Variants in CRIP2 observed in about 807,000 individuals in gnomAD.
The protein encoded by CRIP2 is cysteine-rich protein 2.
A neutral mutation model predicts 31.3 loss-of-function variants in CRIP2; 31 were observed. The observed-to-expected ratio is 0.99, with a 90% CI of 0.74 to 1.34. CRIP2 has a LOEUF of 1.34. Ranked by LOEUF, CRIP2 falls within the 40% of genes most tolerant of loss-of-function variation. CRIP2 has a pLI of 0.00. For missense variants in CRIP2, 389 were observed against 301.6 expected, an observed-to-expected ratio of 1.29 and a Z score of -2.15; for synonymous variants, 177 against 127.2, an observed-to-expected ratio of 1.39 and a Z score of -2.63.
chr14:105,476,376 C>T (rs1555435815), intron 1 of CRIP2: 4 of 985,428 alleles, frequency 4.1e-6, no homozygotes, highest in Non-Finnish European at 4.8e-6. Context: ...GTCCAGAATC[C>T]TGCCCACCCT....
chr14:105,478,449 G>A lies in CRIP2; in HGVS notation c.139-1G>A, dbSNP rs1555436405. 1.9e-6 allele frequency: 3 copies of A among 1,604,230 alleles called. No individual in the cohort carries two copies. Among genetic ancestry groups the A allele is most frequent in the African/African-American group, 1.3e-5 (1 of 74,768 alleles). ...GTCCTGACCCGCGCCCCTCTGCGCA[G>A]CATGACGGGAAGCCGTTCTGCCACA... On this transcript the variant is annotated splice_acceptor_variant, in intron 2 of 7. Coordinates refer to ENST00000329146, the MANE Select transcript of CRIP2 (RefSeq NM_001312.4). LOFTEE classifies it high-confidence loss of function. This position sits in a 1 kb window ranked among gnomAD's most constrained non-coding sequence, Gnocchi z 4.9.
upstream of CRIP2, chr14:105,473,237 G>A (rs1555435117): frequency 5.2e-6 from 8 of 1,529,746 alleles, no homozygotes; most frequent in East Asian, 2.5e-5. Flanking sequence ...GCCCAGAAAA[G>A]GTACTGACTG....
rs1555436953 is a variant in CRIP2 at position 105,479,669 on chromosome 14, A to G, written c.*16A>G. ...CCAGCCCTAGGCTACAGCGGCTCTC[A>G]TGATGTGGGCTCACCTGCGCCCCAG... On this transcript the variant is annotated 3_prime_UTR_variant, in exon 8 of 8. Transcript: ENST00000329146. 1 of 1,608,806 alleles carries G rather than the reference A, an allele frequency of 6.2e-7. No homozygotes were observed. The highest frequency in any genetic ancestry group is 1.1e-5 in the South Asian group (1 of 90,412).
upstream of CRIP2, chr14:105,473,662 G>A (rs1224950471): frequency 3.3e-5 from 35 of 1,073,032 alleles, no homozygotes; most frequent in Non-Finnish European, 4.2e-5. Flanking sequence ...CTCAGAGAAG[G>A]GCCCATGGGG....
chr14:105,475,777 T>TG, intron 1 of CRIP2: 1 of 975,414 alleles, frequency 1.0e-6, no homozygotes, highest in Non-Finnish European at 1.2e-6. Context: ...TCCTCCTGGC[T>TG]GATTCGCTGC....
At position 105,478,897 on chromosome 14, in the gene CRIP2, G is replaced by C; in HGVS notation, c.337+26G>C. The C allele has an allele frequency of 6.8e-7, 1 of 1,472,152 alleles. No individual in the cohort carries two copies. The highest frequency in any genetic ancestry group is 8.9e-7 in the Non-Finnish European group (1 of 1,119,992). The allele number at this position is 1,472,152 out of a possible 1,614,324, so 91.2% of individuals were successfully genotyped here. The stretch of plus-strand genomic sequence containing the variant: ...GTGGGCTGGGCGCGGGCTGGGGCTG[G>C]GGGTTGTGGGCACGCGCGGGCTGGG... On this transcript the variant is annotated intron_variant, in intron 4 of 7. Transcript: ENST00000329146. The surrounding 1 kb of genome is among the most constrained non-coding windows in gnomAD (Gnocchi z 4.9).
chr14:105,477,452 C>G (rs2083957355), intron 1 of CRIP2: 1 of 985,086 alleles, frequency 1.0e-6, no homozygotes, highest in Non-Finnish European at 1.2e-6. Context: ...CATGAGGGAG[C>G]TGGAGGTTCT....
chr14:105,478,879 G>A lies in CRIP2; in HGVS notation c.337+8G>A. 6.9e-7 allele frequency: 1 copy of A among 1,442,294 alleles called. No individual in the cohort carries two copies. 89.3% of individuals were successfully genotyped at this position (1,442,294 alleles called of 1,614,324 possible). On this transcript the variant is annotated splice_region_variant and intron_variant, in intron 4 of 7. Transcript: ENST00000329146. The surrounding 1 kb of genome is among the most constrained non-coding windows in gnomAD (Gnocchi z 4.9). Reference sequence around the variant, plus strand: ...CGAAGGGGCCCAGCAGAGGTGGGCTGGGCGCGGGCTGGGGCTGGGGGTTGT... The same window carrying A: ...CGAAGGGGCCCAGCAGAGGTGGGCTAGGCGCGGGCTGGGGCTGGGGGTTGT...
At chr14:105,476,314 C>T (rs1476504018) in intron 1 of CRIP2, 1 of 985,392 alleles carries the variant, frequency 1.0e-6, no homozygotes, top group Non-Finnish European at 1.2e-6. Context: ...AACAAAGGCG[C>T]TTCAGACCCG....
Position 105,479,849 on chromosome 14 carries a change from C to T in CRIP2, c.*196C>T, listed in dbSNP as rs925421241. On this transcript the variant is annotated 3_prime_UTR_variant, in exon 8 of 8. Transcript: ENST00000329146. ...CTGGTGTGTCTGCCCCCTCTGGCAT[C>T]CTCTGGGCGTCCCATGATCCCTTCT... 27 of 618,178 alleles carry T rather than the reference C, an allele frequency of 4.4e-5. No homozygotes were observed. The highest frequency in any genetic ancestry group is 1.6e-4 in the Admixed American group (6 of 36,738). The allele number at this position is 618,178 out of a possible 1,614,324, so 38.3% of individuals were successfully genotyped here. A position where few individuals can be genotyped will look rare whatever the true frequency, so the allele number is the denominator to read the frequency against.
upstream of CRIP2, chr14:105,473,261 A>G (rs1042761451): frequency 1.9e-5 from 27 of 1,445,908 alleles, no homozygotes; most frequent in South Asian, 4.8e-5. Context: ...CCTCCTCACC[A>G]TCTTCTGCCT....
rs1312827406 is a variant in CRIP2, at chr14:105,479,941, C to G, written c.*288C>G. 1 of 484,830 alleles carries G rather than the reference C, an allele frequency of 2.1e-6. No individual in the cohort carries two copies. Among genetic ancestry groups the G allele is most frequent in the Non-Finnish European group, 3.8e-6 (1 of 265,564 alleles). 30.0% of individuals were successfully genotyped at this position (484,830 alleles called of 1,614,324 possible). A position where few individuals can be genotyped will look rare whatever the true frequency, so the allele number is the denominator to read the frequency against. ...TTTTCCCGCCGACCCTGCGTGTCCC[C>G]GTGGCGCTGTCCGCTCTCCCTCTCC... On this transcript the variant is annotated 3_prime_UTR_variant, in exon 8 of 8. Coordinates refer to ENST00000329146, the MANE Select transcript of CRIP2 (RefSeq NM_001312.4).
chr14:105,478,471 C>T lies in CRIP2; in HGVS notation c.160C>T (p.His54Tyr), dbSNP rs781826144. Residue 54 changes from histidine (H) to tyrosine (Y), a missense_variant, in exon 3 of 8, where the codon CAC (histidine) becomes TAC (tyrosine). Physicochemically the swap from His to Tyr is moderately conservative, Grantham distance 83. Transcript: ENST00000329146. The surrounding 1 kb of genome is among the most constrained non-coding windows in gnomAD (Gnocchi z 4.9). Reference sequence around the variant, plus strand: ...GCAGCATGACGGGAAGCCGTTCTGCCACAAGCCGTGCTACGCCACCCTGTT... The same window carrying T: ...GCAGCATGACGGGAAGCCGTTCTGCTACAAGCCGTGCTACGCCACCCTGTT... ...HAEHDGKPFC[H>Y]KPCYATLFGP... 5.0e-6 allele frequency: 8 copies of T among 1,607,932 alleles called. No individual in the cohort carries two copies. Among genetic ancestry groups the T allele is most frequent in the Non-Finnish European group, 6.8e-6 (8 of 1,179,020 alleles).
At position 105,474,999 on chromosome 14, in the gene CRIP2, G is replaced by A; in HGVS notation, c.43+94G>A. 1 of 1,293,752 alleles carries A rather than the reference G, an allele frequency of 7.7e-7. No individual in the cohort carries two copies. Among genetic ancestry groups the A allele is most frequent in the South Asian group, 2.0e-5 (1 of 50,928 alleles). 80.1% of individuals were successfully genotyped at this position (1,293,752 alleles called of 1,614,324 possible). On this transcript the variant is annotated intron_variant, in intron 1 of 7. Transcript: ENST00000329146. This position sits in a 1 kb window ranked among gnomAD's most constrained non-coding sequence, Gnocchi z 5.1. ...AGAGCCGCGGCGTAACTCGGGGTGC[G>A]CCCGGCCCCGGCCCCGGACCGAGGA...
In CRIP2 at chr14:105,479,148, A is replaced by G. The variant is rs1555436723; in HGVS notation, c.430A>G (p.Lys144Glu). Residue 144 changes from lysine (K) to glutamate (E), a missense_variant, in exon 6 of 8, where the codon AAG becomes GAG. Physicochemically the swap from Lys to Glu is moderately conservative, Grantham distance 56. Transcript: ENST00000329146. ...AGCTGAGAAGGTGACGTCTCTGGGC[A>G]AGGATTGGCACCGGCCCTGCCTGCG... Reference protein sequence around the residue: ...YFAEKVTSLGKDWHRPCLRCE... With the variant: ...YFAEKVTSLGEDWHRPCLRCE... The G allele has an allele frequency of 6.2e-7, 1 of 1,611,474 alleles. No individual in the cohort carries two copies. The highest frequency in any genetic ancestry group is 8.5e-7 in the Non-Finnish European group (1 of 1,179,448).
chr14:105,478,985 G>T lies in CRIP2; in HGVS notation c.344G>T (p.Ser115Ile). The T allele has an allele frequency of 6.4e-7, 1 of 1,571,902 alleles. No individual in the cohort carries two copies. ...TGACTCGTGCGCCCCACAGCCTCCAGTGTCACCACTTTCACCGGGGAGCCC... is the reference window on the plus strand; with the variant it reads ...TGACTCGTGCGCCCCACAGCCTCCATTGTCACCACTTTCACCGGGGAGCCC... Reference protein sequence around the residue: ...GPPKGPSRASSVTTFTGEPNT... With the variant: ...GPPKGPSRASIVTTFTGEPNT... Residue 115 changes from serine to isoleucine, a missense_variant, in exon 5 of 8, where the codon AGT (serine) becomes ATT (isoleucine). Transcript: ENST00000329146. The surrounding 1 kb of genome is among the most constrained non-coding windows in gnomAD (Gnocchi z 4.9).
upstream of CRIP2, chr14:105,474,709 G>T (rs1253514751): frequency 4.9e-5 from 48 of 978,374 alleles, no homozygotes; most frequent in Non-Finnish European, 5.5e-5. This position sits in a 1 kb window ranked among gnomAD's most constrained non-coding sequence, Gnocchi z 5.1. Context: ...GGCGCCCCCA[G>T]GCGGCCCCCA....
At position 105,479,703 on chromosome 14, in the gene CRIP2, G is replaced by A. The variant is rs587637798; in HGVS notation, c.*50G>A. Reference sequence around the variant, plus strand: ...GCTCACCTGCGCCCCAGACCCTGCAGGGGCCCCCCTGCTTGGCTCTGCTGG... The same window carrying A: ...GCTCACCTGCGCCCCAGACCCTGCAAGGGCCCCCCTGCTTGGCTCTGCTGG... On this transcript the variant is annotated 3_prime_UTR_variant, in exon 8 of 8. Transcript: ENST00000329146. The A allele has an allele frequency of 6.3e-7, 1 of 1,576,382 alleles. No individual in the cohort carries two copies. The highest frequency in any genetic ancestry group is 1.4e-5 in the African/African-American group (1 of 73,966).
chr14:105,478,976 C>T lies in CRIP2; in HGVS notation c.338-3C>T, dbSNP rs1555436604. On this transcript the variant is annotated splice_region_variant and splice_polypyrimidine_tract_variant and intron_variant, in intron 4 of 7. Transcript: ENST00000329146. The surrounding 1 kb of genome is among the most constrained non-coding windows in gnomAD (Gnocchi z 4.9). ...GCCCCGCCCTGACTCGTGCGCCCCA[C>T]AGCCTCCAGTGTCACCACTTTCACC... is the stretch of plus-strand genomic sequence containing the variant. The T allele has an allele frequency of 2.6e-6, 4 of 1,567,024 alleles. No homozygotes were observed. Among genetic ancestry groups the T allele is most frequent in the Admixed American group, 3.6e-5 (2 of 55,176 alleles).
Sources: allele counts gnomAD v4.1 joint callset, GRCh38; gene constraint gnomAD v4.1.1; non-coding constraint Gnocchi (gnomAD v3.1); transcripts MANE v1.5; gene names NCBI Gene and HGNC (gene_info 2026-07-23, HGNC 2026-07-21).